The following NELFA variants were observed in gnomAD, a reference collection of about 807,000 sequenced individuals.
NELFA encodes the protein negative elongation factor complex member A, also known as negative elongation factor A.
Under a neutral mutation model 51.8 loss-of-function variants are expected in NELFA, and 35 were observed. The observed-to-expected ratio is 0.68, with a 90% CI of 0.52 to 0.90. The LOEUF is 0.90. Ranked by LOEUF, NELFA falls within the 40% of genes least tolerant of loss-of-function variation. The pLI is 0.00. For synonymous variants in NELFA, 417 were observed against 338.4 expected, an observed-to-expected ratio of 1.23 and a Z score of -2.55; for missense variants, 658 against 746.4, an observed-to-expected ratio of 0.88 and a Z score of 1.38.
At chr4:1,991,145 A>T (rs1728256873) in intron 2 of NELFA, among the ~76,000 whole-genome samples, 1 of 152,204 alleles carries the variant, frequency 6.6e-6, no homozygotes, top group African/African-American at 2.4e-5. Flanking sequence ...TAAACAACTA[A>T]ATCGTTGATA....
rs548540849 is a variant in NELFA, at chr4:1,995,143, A to G, written c.211-3428T>C. On this transcript the variant is annotated intron_variant, in intron 1 of 10. Coordinates refer to ENST00000382882, the MANE Select transcript of NELFA (RefSeq NM_005663.5). ...AACTGAAAACCAAAGCAGAACAAAAATGCTGAGTAAGGGGAACTCCTGCCT... is the reference window on the plus strand; with the variant it reads ...AACTGAAAACCAAAGCAGAACAAAAGTGCTGAGTAAGGGGAACTCCTGCCT... Among the ~76,000 whole-genome samples the G allele has an allele frequency of 4.6e-5, 7 of 152,352 alleles. No homozygotes were observed. The South Asian group carries it at 1.0e-3, about 23-fold the overall frequency.
intron 1 of NELFA, among the ~76,000 whole-genome samples, chr4:2,004,639 C>T (rs1372124460): frequency 2.7e-5 from 4 of 150,550 alleles, no homozygotes; most frequent in Non-Finnish European, 5.9e-5. Flanking sequence ...AGCCATGTGC[C>T]GCCACCCCTG....
In NELFA at chr4:1,984,834, T is replaced by G. The variant is rs1728031880; in HGVS notation, c.1010A>C (p.Tyr337Ser). ...STPSVVPASS[Y>S]IPSSETPPAP... is the part of the protein sequence containing the mutation. ...TGGGGGCGTCTCGGAGCTGGGGATG[T>G]AGGAGGAGGCGGGAACCACGCTGGG... The change falls in exon 8 of 11, where the codon TAC (tyrosine) becomes TCC (serine). Residue 337 changes from tyrosine (Y) to serine (S), a missense_variant. Transcript: ENST00000382882. The G allele has an allele frequency of 6.4e-7, 1 of 1,570,204 alleles. No homozygotes were observed.
At chr4:2,001,723 T>A (rs193039233) in intron 1 of NELFA, among the ~76,000 whole-genome samples, 272 of 151,616 alleles carry the variant, frequency 1.8e-3, no homozygotes, top group African/African-American at 6.3e-3. Context: ...GCCAACGTGG[T>A]TAAACCCCAT....
In NELFA at chr4:1,984,065, G is replaced by C. The variant is rs781086291; in HGVS notation, c.1085C>G (p.Pro362Arg). The C allele has an allele frequency of 1.9e-6, 3 of 1,598,458 alleles. No homozygotes were observed. The highest frequency in any genetic ancestry group is 2.5e-6 in the Non-Finnish European group (3 of 1,176,734). The part of the protein sequence containing the change: ...ASRPPEEPSA[P>R]SPTLPAQFKQ... ...GAACTGCGCTGGCAACGTGGGGCTC[G>C]GGGCGCTGGGCTCCTCTGGTGGGCG... The change falls in exon 9 of 11, where the codon CCG becomes CGG. Residue 362 changes from proline (P) to arginine (R), a missense_variant. Physicochemically the swap from Pro to Arg is moderately radical, Grantham distance 103. This residue lies in a region of NELFA where 200 missense variants were observed against 167.9 expected (regional missense o/e 1.19). Coordinates refer to ENST00000382882, the MANE Select transcript of NELFA (RefSeq NM_005663.5).
Position 1,991,652 on chromosome 4 carries a change from T to C in NELFA, c.274A>G (p.Met92Val). The change falls in exon 2 of 11, where the codon ATG becomes GTG. Residue 92 changes from methionine (M) to valine (V), a missense_variant. By Grantham distance (21) the Met-to-Val change is conservative. Coordinates refer to ENST00000382882, the MANE Select transcript of NELFA (RefSeq NM_005663.5). The part of the protein sequence containing the change: ...ASLDSDPWVL[M>V]VADILKSFPD... ...AAGGACTTCAAGATGTCGGCGACCA[T>C]GAGCACCCAGGGGTCCGAGTCGAGG... The C allele has an allele frequency of 6.2e-7, 1 of 1,613,946 alleles. No individual in the cohort carries two copies. Among genetic ancestry groups the C allele is most frequent in the Non-Finnish European group, 8.5e-7 (1 of 1,179,968 alleles).
At chr4:1,995,156 G>C (rs939994604) in intron 1 of NELFA, among the ~76,000 whole-genome samples, 1 of 152,218 alleles carries the variant, frequency 6.6e-6, no homozygotes, top group Non-Finnish European at 1.5e-5. Context: ...CTGAGTAAGG[G>C]GAACTCCTGC....
intron 1 of NELFA, among the ~76,000 whole-genome samples, chr4:1,992,962 G>A (rs1456967418): frequency 2.6e-5 from 4 of 152,168 alleles, no homozygotes; most frequent in South Asian, 2.1e-4. Flanking sequence ...CCTGCGCCCC[G>A]GGCCCTCACT....
rs2234576 is a variant in NELFA at position 1,983,547 on chromosome 4, G to A, written c.1403-44C>T. ...GCTGGGTGGGTGTCTGGGGGCACCC[G>A]CCCCCAACCCGGCCCGGTGCACCCC... On this transcript the variant is annotated intron_variant, in intron 10 of 10. Transcript: ENST00000382882. 6.1e-3 allele frequency: 9,906 copies of A among 1,611,164 alleles called. 47 individuals carry two copies. Among genetic ancestry groups the A allele is most frequent in the Admixed American group, 8.7e-3 (522 of 59,894 alleles).
intron 5 of NELFA, 37 bp downstream of exon 5, chr4:1,986,235 G>C: frequency 6.4e-7 from 1 of 1,565,042 alleles, no homozygotes; most frequent in Non-Finnish European, 8.7e-7. Context: ...GGCGCAACGG[G>C]CCCCGGGGTG....
In NELFA at chr4:1,988,048, G is replaced by C. The variant is rs374504190; in HGVS notation, c.545-41C>G. ...CACATATGTCAGGGATCCTCAGAGCGAGAGCCCTTGGCCCTTGTAAAAACA... is the reference window on the plus strand; with the variant it reads ...CACATATGTCAGGGATCCTCAGAGCCAGAGCCCTTGGCCCTTGTAAAAACA... On this transcript the variant is annotated intron_variant, in intron 3 of 10. Coordinates refer to ENST00000382882, the MANE Select transcript of NELFA (RefSeq NM_005663.5). 141 of 1,547,078 alleles carry C rather than the reference G, an allele frequency of 9.1e-5. 3 individuals carry two copies. The East Asian group carries it at 9.7e-4, about 11-fold the overall frequency.
chr4:1,984,726 C>A lies in NELFA; in HGVS notation c.1036+82G>T, dbSNP rs553271903. 7.1e-6 allele frequency: 7 copies of A among 988,550 alleles called. No homozygotes were observed. The East Asian group carries it at 1.9e-4, about 26-fold the overall frequency. 61.2% of individuals were successfully genotyped at this position (988,550 alleles called of 1,614,324 possible). ...ACAACAGAGATGCAGGAGTGAGAACCGCAGCCCTGGCAGCGCCCGTGGGCA... is the reference window on the plus strand; with the variant it reads ...ACAACAGAGATGCAGGAGTGAGAACAGCAGCCCTGGCAGCGCCCGTGGGCA... On this transcript the variant is annotated intron_variant, in intron 8 of 10. Coordinates refer to ENST00000382882, the MANE Select transcript of NELFA (RefSeq NM_005663.5).
intron 1 of NELFA, chr4:2,007,158 G>A (rs545010228): frequency 4.7e-6 from 2 of 429,560 alleles, no homozygotes; most frequent in South Asian, 1.6e-5. Context: ...AGTGAGTCAC[G>A]ATGGTGCCAC....
chr4:1,988,130 A>T (rs188606397), intron 3 of NELFA, 123 bp from the exon 4 acceptor site: 1 of 769,864 alleles, frequency 1.3e-6, no homozygotes, highest in Non-Finnish European at 2.1e-6. Context: ...ATTCTCTCTA[A>T]ATGAGCAGCT....
intron 1 of NELFA, chr4:2,008,072 C>A (rs1430441912): frequency 1.5e-5 from 7 of 456,442 alleles, no homozygotes; most frequent in Non-Finnish European, 2.6e-5. Flanking sequence ...ACAAGAAAAT[C>A]CAGTCAGCGG....
intron 1 of NELFA, chr4:2,007,191 C>T (rs778039206): frequency 5.2e-6 from 2 of 383,396 alleles, no homozygotes; most frequent in South Asian, 1.8e-5. Context: ...TGGTTGACAG[C>T]GCCAGACCCT....
chr4:2,007,889 A>G (rs1560890278), intron 1 of NELFA: 1 of 447,670 alleles, frequency 2.2e-6, no homozygotes, highest in Non-Finnish European at 4.5e-6. Context: ...GGGCTTCAAT[A>G]GTCTGCAAAA....
At chr4:2,007,036 T>C (rs1291519145) in intron 1 of NELFA, 2 of 234,928 alleles carry the variant, frequency 8.5e-6, no homozygotes, top group East Asian at 1.4e-4. Flanking sequence ...GGCAAGCAGA[T>C]TGCTTGAGGT....
chr4:1,986,874 A>G (rs1327316393), intron 4 of NELFA, among the ~76,000 whole-genome samples: 1 of 152,088 alleles, frequency 6.6e-6, no homozygotes, highest in Non-Finnish European at 1.5e-5. Flanking sequence ...CCAGGCCCGG[A>G]GAGAGGACGC....
Sources: gnomAD v4.1 joint callset for allele counts (sites outside exome capture counted in the v4.1 genomes callset) on GRCh38, gnomAD v4.1.1 for gene constraint, gnomAD v4.1.1 regional missense constraint, MANE v1.5 for transcripts, NCBI Gene and HGNC (gene_info 2026-07-23, HGNC 2026-07-21) for gene names.